The following GALNT13 variants were observed in gnomAD, a reference collection of about 807,000 sequenced individuals.
GALNT13 encodes the protein polypeptide N-acetylgalactosaminyltransferase 13, also known as UDP-GalNAc:polypeptide N-acetylgalactosaminyltransferase 13.
In GALNT13, 28 loss-of-function variants were observed where a neutral mutation model predicts 64.2. That is an observed-to-expected ratio of 0.44 (90% confidence interval 0.32 to 0.60). GALNT13 has a LOEUF of 0.60. Ranked by LOEUF, GALNT13 falls within the 20% of genes least tolerant of loss-of-function variation. The probability of loss-of-function intolerance (pLI) is 0.05; values close to 1 mark genes in which losing one functional copy is unlikely to be tolerated. For synonymous variants in GALNT13, 214 were observed against 224.6 expected, an observed-to-expected ratio of 0.95 and a Z score of 0.42; for missense variants, 577 against 669.8, an observed-to-expected ratio of 0.86 and a Z score of 1.53.
intron 11 of GALNT13, among the ~76,000 whole-genome samples, chr2:154,409,599 T>C (rs189844390): frequency 1.3e-3 from 192 of 152,098 alleles, no homozygotes; most frequent in East Asian, 4.3e-3. Flanking sequence ...TTCTTAAGCA[T>C]TGGAAAAAAG....
the GALNT13 span, among the ~76,000 whole-genome samples, chr2:153,145,203 G>A: frequency 6.6e-6 from 1 of 151,836 alleles, no homozygotes; most frequent in African/African-American, 2.4e-5. Context: ...GTGACTTTCA[G>A]TTTCTTACAT....
chr2:153,566,016 T>C, the GALNT13 span, among the ~76,000 whole-genome samples: 26,198 of 152,130 alleles, frequency 0.17, 3,023 homozygotes, highest in East Asian at 0.33. Context: ...ATTTCTGTCT[T>C]AGTTATGTAA....
chr2:153,915,825 A>G (rs1207034649), intron 2 of GALNT13, among the ~76,000 whole-genome samples: 3 of 152,208 alleles, frequency 2.0e-5, no homozygotes. Flanking sequence ...GCAATGACAA[A>G]TGAGGCATGC....
the GALNT13 span, among the ~76,000 whole-genome samples, chr2:153,473,965 G>T: frequency 2.0e-5 from 3 of 152,188 alleles, no homozygotes; most frequent in African/African-American, 4.8e-5. Flanking sequence ...TGTCCTTTGA[G>T]AACGCAGAGA....
chr2:153,803,255 G>A, the GALNT13 span, among the ~76,000 whole-genome samples: 1 of 152,040 alleles, frequency 6.6e-6, no homozygotes, highest in Non-Finnish European at 1.5e-5. Context: ...TGCTACAGAC[G>A]GAATTGTGTC....
At chr2:154,219,510 T>C (rs756424260) in intron 4 of GALNT13, among the ~76,000 whole-genome samples, 5 of 152,138 alleles carry the variant, frequency 3.3e-5, no homozygotes, top group Non-Finnish European at 7.4e-5. Flanking sequence ...GCAATATTCA[T>C]ACTATCTGGA....
the GALNT13 span, among the ~76,000 whole-genome samples, chr2:153,779,748 G>C: frequency 1.3e-5 from 2 of 152,046 alleles, no homozygotes; most frequent in African/African-American, 4.8e-5. Flanking sequence ...AGAGACCACA[G>C]TTTTCATAAA....
chr2:154,035,227 T>G (rs1197114422), intron 3 of GALNT13, among the ~76,000 whole-genome samples: 1 of 152,100 alleles, frequency 6.6e-6, no homozygotes, highest in Non-Finnish European at 1.5e-5. Flanking sequence ...TTATGGTATG[T>G]GCGTTTGTAT....
intron 3 of GALNT13, among the ~76,000 whole-genome samples, chr2:154,037,221 A>G (rs1280828455): frequency 6.6e-6 from 1 of 152,142 alleles, no homozygotes; most frequent in African/African-American, 2.4e-5. Flanking sequence ...AGAGTCAGAA[A>G]ACATGAGTGT....
intron 9 of GALNT13, among the ~76,000 whole-genome samples, chr2:154,371,158 C>T (rs1167676688): frequency 6.6e-6 from 1 of 151,980 alleles, no homozygotes; most frequent in Non-Finnish European, 1.5e-5. Flanking sequence ...TAGAAGCCAC[C>T]TAAGTGTAGA....
chr2:153,400,387 T>C, the GALNT13 span, among the ~76,000 whole-genome samples: 3 of 152,176 alleles, frequency 2.0e-5, no homozygotes, highest in African/African-American at 7.2e-5. Context: ...TAAAATTCTC[T>C]TTTTTTGTTG....
At chr2:153,250,487 T>C in the GALNT13 span, among the ~76,000 whole-genome samples, 4 of 152,314 alleles carry the variant, frequency 2.6e-5, no homozygotes, top group African/African-American at 9.6e-5. Flanking sequence ...TCCTCAAGGA[T>C]CTAGAACCAG....
At chr2:153,235,226 G>T in the GALNT13 span, among the ~76,000 whole-genome samples, 1 of 152,126 alleles carries the variant, frequency 6.6e-6, no homozygotes. Context: ...ACTCCACAAT[G>T]TCCTCTAAGT....
chr2:153,284,383 G>A, the GALNT13 span, among the ~76,000 whole-genome samples: 1 of 152,126 alleles, frequency 6.6e-6, no homozygotes, highest in Admixed American at 6.5e-5. Flanking sequence ...CCCCACTCCA[G>A]AGCAGGCACC....
At chr2:154,091,833 G>C (rs1250375397) in intron 3 of GALNT13, among the ~76,000 whole-genome samples, 1 of 151,728 alleles carries the variant, frequency 6.6e-6, no homozygotes, top group Non-Finnish European at 1.5e-5. Flanking sequence ...TGAGATAAGA[G>C]ATATTAACTA....
chr2:153,773,418 G>A, the GALNT13 span, among the ~76,000 whole-genome samples: 4 of 152,134 alleles, frequency 2.6e-5, no homozygotes, highest in East Asian at 1.9e-4. Context: ...TTCTACTATC[G>A]TATTGGATAC....
At chr2:153,265,702 G>C in the GALNT13 span, among the ~76,000 whole-genome samples, 1 of 152,078 alleles carries the variant, frequency 6.6e-6, no homozygotes, top group Admixed American at 6.6e-5. Context: ...TGTTCATTTT[G>C]GTGTTCCTGT....
the GALNT13 span, among the ~76,000 whole-genome samples, chr2:153,743,643 T>C: frequency 3.3e-5 from 5 of 152,150 alleles, no homozygotes; most frequent in Non-Finnish European, 5.9e-5. Context: ...GGGTTACCCA[T>C]CTCTTCAAAT....
the GALNT13 span, among the ~76,000 whole-genome samples, chr2:153,352,264 G>A: frequency 6.6e-6 from 1 of 152,004 alleles, no homozygotes; most frequent in South Asian, 2.1e-4. Flanking sequence ...TCTTAAGTGA[G>A]GTGCCTGTTA....
Sources: allele counts gnomAD v4.1 joint callset (sites outside exome capture counted in the v4.1 genomes callset), GRCh38; gene constraint gnomAD v4.1.1; transcripts MANE v1.5; gene names NCBI Gene and HGNC (gene_info 2026-07-23, HGNC 2026-07-21).